The following GRIK4 variants were observed in gnomAD, a reference collection of about 807,000 sequenced individuals.
GRIK4 encodes the protein glutamate receptor ionotropic, kainate 4.
GRIK4 carries 40 observed loss-of-function variants against 104.9 expected under a neutral mutation model. The ratio of observed to expected loss-of-function variants is 0.38; its 90% CI spans 0.30 to 0.50. GRIK4 has a LOEUF of 0.50. Among genes scored for constraint, GRIK4 ranks in the 20% least tolerant of loss-of-function variants. The pLI is 0.93. For missense variants in GRIK4, 1,047 were observed against 1,308.1 expected (o/e 0.80, Z 3.08); for synonymous variants, 485 against 524.9 (o/e 0.92, Z 1.04).
At chr11:120,580,297 A>C (rs1948561311) in intron 1 of GRIK4, among the ~76,000 whole-genome samples, 1 of 137,770 alleles carries the variant, frequency 7.3e-6, no homozygotes, top group African/African-American at 2.8e-5. Context: ...TTTTTTTGAG[A>C]CAGAGTCTCA....
chr11:120,877,980 G>C (rs1218754680), intron 11 of GRIK4, among the ~76,000 whole-genome samples: 1 of 152,202 alleles, frequency 6.6e-6, no homozygotes, highest in Non-Finnish European at 1.5e-5. Flanking sequence ...TAGGCTCCAA[G>C]TACCTCTTCA....
chr11:120,978,492 A>G (rs1307554731), intron 19 of GRIK4, among the ~76,000 whole-genome samples: 1 of 152,190 alleles, frequency 6.6e-6, no homozygotes. Context: ...GCTGGGAACT[A>G]TAAACAATTC....
At chr11:120,732,869 A>T (rs1394382113) in intron 3 of GRIK4, among the ~76,000 whole-genome samples, 1 of 151,186 alleles carries the variant, frequency 6.6e-6, no homozygotes, top group Non-Finnish European at 1.5e-5. Context: ...TCTACAGTGC[A>T]TATTAAGTCC....
intron 3 of GRIK4, among the ~76,000 whole-genome samples, chr11:120,757,936 C>T (rs1392448155): frequency 6.6e-6 from 1 of 152,224 alleles, no homozygotes; most frequent in African/African-American, 2.4e-5. Flanking sequence ...AAATTATTTA[C>T]AGTCCATGGG....
chr11:120,861,897 G>A (rs1181498262), intron 8 of GRIK4, 62 bp from the exon 9 acceptor site: 9 of 1,283,444 alleles, frequency 7.0e-6, no homozygotes, highest in Non-Finnish European at 1.1e-6. Context: ...CTTTACCAAA[G>A]TCCATCCCTC....
At chr11:120,777,825 T>A (rs571655482) in intron 3 of GRIK4, among the ~76,000 whole-genome samples, 1 of 151,710 alleles carries the variant, frequency 6.6e-6, no homozygotes, top group South Asian at 2.1e-4. Flanking sequence ...TAATCCCAGC[T>A]ATTTGGGAGG....
intron 3 of GRIK4, among the ~76,000 whole-genome samples, chr11:120,736,119 TC>T (rs1265795521): frequency 3.3e-5 from 5 of 152,118 alleles, no homozygotes; most frequent in Admixed American, 2.0e-4. Flanking sequence ...TGTTGGTTAT[TC>T]AGGGCCCAAG....
At chr11:120,890,540 A>G (rs1025495717) in intron 11 of GRIK4, among the ~76,000 whole-genome samples, 1 of 152,252 alleles carries the variant, frequency 6.6e-6, no homozygotes, top group African/African-American at 2.4e-5. Context: ...ACCAGATGGT[A>G]TAGTAATAAA....
At chr11:120,635,808 T>A (rs1949390085) in intron 1 of GRIK4, among the ~76,000 whole-genome samples, 1 of 152,220 alleles carries the variant, frequency 6.6e-6, no homozygotes, top group Non-Finnish European at 1.5e-5. Flanking sequence ...CAAAATTATA[T>A]CAATCATCCC....
intron 1 of GRIK4, among the ~76,000 whole-genome samples, chr11:120,575,422 C>T (rs961209439): frequency 2.6e-5 from 4 of 152,138 alleles, no homozygotes; most frequent in African/African-American, 7.2e-5. Context: ...TTCCCTCTGG[C>T]GCACGGGTCC....
intron 12 of GRIK4, among the ~76,000 whole-genome samples, chr11:120,899,527 C>G (rs1179160334): frequency 1.3e-5 from 2 of 152,058 alleles, no homozygotes; most frequent in Non-Finnish European, 2.9e-5. Flanking sequence ...CCCTGTCCCC[C>G]TGCCATGTGC....
At chr11:120,611,444 G>A (rs554906271) in intron 1 of GRIK4, among the ~76,000 whole-genome samples, 8 of 152,198 alleles carry the variant, frequency 5.3e-5, no homozygotes, top group South Asian at 2.1e-4. Context: ...ATGCATGCAC[G>A]TGTGTGTGTG....
intron 18 of GRIK4, among the ~76,000 whole-genome samples, chr11:120,963,324 A>T (rs1944324710): frequency 6.6e-6 from 1 of 152,250 alleles, no homozygotes; most frequent in Non-Finnish European, 1.5e-5. Flanking sequence ...GCTTCCAGAA[A>T]GGTGTCCTAG....
intron 3 of GRIK4, among the ~76,000 whole-genome samples, chr11:120,740,015 G>A (rs1411810678): frequency 6.6e-6 from 1 of 152,190 alleles, no homozygotes; most frequent in Non-Finnish European, 1.5e-5. Flanking sequence ...GTGGCCAAAG[G>A]CTGTGTTTGG....
intron 1 of GRIK4, among the ~76,000 whole-genome samples, chr11:120,523,641 G>A (rs1427061191): frequency 6.6e-6 from 1 of 152,210 alleles, no homozygotes; most frequent in Non-Finnish European, 1.5e-5. Context: ...CTGAGACACC[G>A]ACACAGGGTC....
chr11:120,657,146 A>G (rs1031993816), intron 2 of GRIK4, among the ~76,000 whole-genome samples: 17 of 152,178 alleles, frequency 1.1e-4, no homozygotes, highest in African/African-American at 3.9e-4. Flanking sequence ...TATCCACTCA[A>G]CAAATATTTA....
At chr11:120,753,309 G>GTGTGTGTGTA (rs1555055639) in intron 3 of GRIK4, among the ~76,000 whole-genome samples, 12 of 104,176 alleles carry the variant, frequency 1.2e-4, no homozygotes, top group African/African-American at 4.6e-4. Flanking sequence ...GTGTGTGTGT[G>GTGTGTGTGTA]TGTGTGTGTG....
chr11:120,690,504 T>C (rs1950341103), intron 3 of GRIK4, among the ~76,000 whole-genome samples: 1 of 152,214 alleles, frequency 6.6e-6, no homozygotes, highest in South Asian at 2.1e-4. Context: ...TGCGCCAATC[T>C]CTTTTTATTC....
intron 3 of GRIK4, among the ~76,000 whole-genome samples, chr11:120,800,084 C>T (rs996169260): frequency 2.6e-5 from 4 of 151,838 alleles, no homozygotes; most frequent in African/African-American, 9.7e-5. Context: ...AAACTCACGA[C>T]CTCGGGTGAT....
Sources: gnomAD v4.1 joint callset for allele counts (sites outside exome capture counted in the v4.1 genomes callset) on GRCh38, gnomAD v4.1.1 for gene constraint, MANE v1.5 for transcripts, NCBI Gene and HGNC (gene_info 2026-07-23, HGNC 2026-07-21) for gene names.